Variants in UBE2R2 observed in about 807,000 individuals in gnomAD.
UBE2R2 encodes ubiquitin conjugating enzyme E2 R2.
Under a neutral mutation model 27.8 loss-of-function variants are expected in UBE2R2, and 1 was observed. The ratio of observed to expected loss-of-function variants is 0.04; its 90% CI spans 0.01 to 0.17. UBE2R2 has a LOEUF of 0.17. UBE2R2 is among the 10% of genes least tolerant of loss of function. UBE2R2 has a pLI of 1.00. For synonymous variants in UBE2R2, 106 were observed against 113.3 expected (o/e 0.94, Z 0.41); for missense variants, 100 against 291.0 (o/e 0.34, Z 4.78).
Position 33,910,346 on chromosome 9 carries a change from A to G in UBE2R2, c.363-1618A>G, listed in dbSNP as rs575973978. ...GTATTTTTAGTAGAGACGGGGTTTC[A>G]CCGTGTTGGCCAGGATGGTCTCAAA... On this transcript the variant is annotated intron_variant, in intron 3 of 4. Transcript: ENST00000263228. Among the ~76,000 whole-genome samples, 272 of 151,976 alleles carry G rather than the reference A, an allele frequency of 1.8e-3. 1 individual carries two copies. The highest frequency in any genetic ancestry group is 6.3e-3 in the African/African-American group (262 of 41,388).
chr9:33,851,452 G>A (rs1820965160), intron 1 of UBE2R2, among the ~76,000 whole-genome samples: 2 of 152,166 alleles, frequency 1.3e-5, no homozygotes, highest in Non-Finnish European at 2.9e-5. Flanking sequence ...TATCCTGTTT[G>A]TGTAGTCTCT....
In UBE2R2 at chr9:33,917,118, G is replaced by A; in HGVS notation, c.598G>A (p.Asp200Asn). 6.2e-7 allele frequency: 1 copy of A among 1,614,222 alleles called. No homozygotes were observed. The change falls in exon 5 of 5, where the codon GAC (aspartate) becomes AAC (asparagine). Residue 200 changes from aspartate to asparagine, a missense_variant. Physicochemically the swap from Asp to Asn is conservative, Grantham distance 23. Around this residue, in one of 3 missense-constraint regions of UBE2R2, gnomAD observed 55 missense variants for 122.6 expected, o/e 0.45. Coordinates refer to ENST00000263228, the MANE Select transcript of UBE2R2 (RefSeq NM_017811.4). ...CATCAAAACTAAAGTGCCTTCCAAT[G>A]ACAACAGCTCAGATTTGCTTTACGA... is the stretch of plus-strand genomic sequence containing the variant. ...YCIKTKVPSN[D>N]NSSDLLYDDL... is the part of the protein sequence containing the mutation.
At position 33,893,897 on chromosome 9, in the gene UBE2R2, C is replaced by G. The variant is rs979201226; in HGVS notation, c.265-6277C>G. The stretch of plus-strand genomic sequence containing the variant: ...TTCACCTGCCTTGGCCTCCCAAATG[C>G]TGGGATTACAGGTGTGAGCCACTGT... On this transcript the variant is annotated intron_variant, in intron 2 of 4. Coordinates refer to ENST00000263228, the MANE Select transcript of UBE2R2 (RefSeq NM_017811.4). 2.6e-5 allele frequency among the ~76,000 whole-genome samples: 4 copies of G among 152,290 alleles called. No individual in the cohort carries two copies. In the East Asian group the frequency reaches 7.7e-4, roughly 29 times the overall value.
At chr9:33,911,326 C>T (rs1053357767) in intron 3 of UBE2R2, among the ~76,000 whole-genome samples, 1 of 132,888 alleles carries the variant, frequency 7.5e-6, no homozygotes, top group Non-Finnish European at 1.5e-5. Context: ...GCAGGAGAAT[C>T]GCTTGAACCT....
At chr9:33,899,298 C>T (rs1478367196) in intron 2 of UBE2R2, among the ~76,000 whole-genome samples, 12 of 152,158 alleles carry the variant, frequency 7.9e-5, no homozygotes, top group Admixed American at 7.9e-4. Flanking sequence ...CTCCCGGGTT[C>T]AAGCGATTCT....
intron 1 of UBE2R2, among the ~76,000 whole-genome samples, chr9:33,833,690 G>C (rs1820548792): frequency 6.6e-6 from 1 of 152,168 alleles, no homozygotes; most frequent in South Asian, 2.1e-4. Flanking sequence ...ACAGTTCAGT[G>C]ACATTAAGTA....
chr9:33,843,042 CT>C (rs71506139), intron 1 of UBE2R2, among the ~76,000 whole-genome samples: 3,348 of 105,164 alleles, frequency 0.032, 67 homozygotes, highest in South Asian at 0.064. Context: ...AAACAGACCA[CT>C]TTTTTTTTTT....
chr9:33,832,172 G>A (rs75155138), intron 1 of UBE2R2, among the ~76,000 whole-genome samples: 1 of 151,456 alleles, frequency 6.6e-6, no homozygotes, highest in Non-Finnish European at 1.5e-5. Context: ...GGCAGGCGTG[G>A]TGGTGCGTGC....
At chr9:33,826,127 C>G (rs1306838726) in intron 1 of UBE2R2, among the ~76,000 whole-genome samples, 2 of 141,026 alleles carry the variant, frequency 1.4e-5, no homozygotes, top group Admixed American at 1.5e-4. Flanking sequence ...GCCTGAGCAA[C>G]AGAATGGGAC....
chr9:33,860,590 T>C (rs1052864078), intron 1 of UBE2R2, among the ~76,000 whole-genome samples: 1 of 152,058 alleles, frequency 6.6e-6, no homozygotes, highest in Admixed American at 6.6e-5. Context: ...AGGGGTGGTG[T>C]GGTAAAATAG....
chr9:33,865,494 CCTT>C (rs1821341490), intron 1 of UBE2R2, among the ~76,000 whole-genome samples: 1 of 152,132 alleles, frequency 6.6e-6, no homozygotes, highest in Admixed American at 6.6e-5. Flanking sequence ...CCACGCCTGG[CCTT>C]CTAAATATTT....
intron 1 of UBE2R2, among the ~76,000 whole-genome samples, chr9:33,859,866 G>A (rs1398892348): frequency 6.6e-6 from 1 of 151,344 alleles, no homozygotes; most frequent in Non-Finnish European, 1.5e-5. Context: ...AGTGGCAGTG[G>A]TGCAATCAGG....
intron 2 of UBE2R2, among the ~76,000 whole-genome samples, chr9:33,891,243 C>A (rs529252834): frequency 6.6e-6 from 1 of 151,892 alleles, no homozygotes; most frequent in African/African-American, 2.4e-5. Context: ...CGTTTTACAT[C>A]TTGGCCAGGC....
rs1452204131 is a variant in UBE2R2, at chr9:33,839,841, C to G, written c.177+21907C>G. 2.0e-5 allele frequency among the ~76,000 whole-genome samples: 3 copies of G among 152,022 alleles called. No homozygotes were observed. In the South Asian group the frequency reaches 6.2e-4, roughly 32 times the overall value. ...CAAGATTCTGTCTCTACAAAAAAATCTAATAAGTTAGCCAAGTGTGGTGGT... is the reference window on the plus strand; with the variant it reads ...CAAGATTCTGTCTCTACAAAAAAATGTAATAAGTTAGCCAAGTGTGGTGGT... On this transcript the variant is annotated intron_variant, in intron 1 of 4. Coordinates refer to ENST00000263228, the MANE Select transcript of UBE2R2 (RefSeq NM_017811.4).
intron 1 of UBE2R2, among the ~76,000 whole-genome samples, chr9:33,871,150 T>C (rs953492893): frequency 1.3e-5 from 2 of 152,242 alleles, no homozygotes; most frequent in African/African-American, 4.8e-5. Flanking sequence ...TTTAAGCAAC[T>C]AGTAGAGATT....
At position 33,917,366 on chromosome 9, in the gene UBE2R2, G is replaced by T; in HGVS notation, c.*129G>T. 1 of 1,407,176 alleles carries T rather than the reference G, an allele frequency of 7.1e-7. No homozygotes were observed. The highest frequency in any genetic ancestry group is 9.6e-7 in the Non-Finnish European group (1 of 1,041,848). The allele number at this position is 1,407,176 out of a possible 1,614,324, so 87.2% of individuals were successfully genotyped here. On this transcript the variant is annotated 3_prime_UTR_variant, in exon 5 of 5. Transcript: ENST00000263228. ...GGGTGGGGAAACACACACAGCTCCT[G>T]CTGACTCCCCTTATGGATCTCAGTT... is the stretch of plus-strand genomic sequence containing the variant.
At chr9:33,821,808 A>G (rs1255404550) in intron 1 of UBE2R2, among the ~76,000 whole-genome samples, 1 of 151,864 alleles carries the variant, frequency 6.6e-6, no homozygotes, top group Non-Finnish European at 1.5e-5. Flanking sequence ...TAGTAGAGAC[A>G]GGGTTTCACC....
intron 1 of UBE2R2, among the ~76,000 whole-genome samples, chr9:33,851,994 C>T (rs940495811): frequency 6.6e-6 from 1 of 151,980 alleles, no homozygotes; most frequent in Admixed American, 6.6e-5. Context: ...AAGACTCCAC[C>T]GTAATGAGAT....
At chr9:33,860,870 C>G (rs925859413) in intron 1 of UBE2R2, among the ~76,000 whole-genome samples, 1 of 152,018 alleles carries the variant, frequency 6.6e-6, no homozygotes, top group African/African-American at 2.4e-5. Context: ...GTACTCCAGA[C>G]TAGGTGACAG....
Sources: allele counts gnomAD v4.1 joint callset (sites outside exome capture counted in the v4.1 genomes callset), GRCh38; gene constraint gnomAD v4.1.1; regional missense constraint gnomAD v4.1.1; transcripts MANE v1.5; gene names NCBI Gene and HGNC (gene_info 2026-07-23, HGNC 2026-07-21).